Variants in KATNIP observed in about 807,000 individuals in gnomAD.
KATNIP encodes katanin interacting protein.
In KATNIP, 126 loss-of-function variants were observed where a neutral mutation model predicts 174.0. That is an observed-to-expected ratio of 0.72 (90% CI 0.63 to 0.84). KATNIP has a LOEUF of 0.84. KATNIP is among the 40% of genes least tolerant of loss of function. The probability of loss-of-function intolerance (pLI) is 0.00; values close to 1 mark genes in which losing one functional copy is unlikely to be tolerated. For missense variants in KATNIP, 1,958 were observed against 2,109.7 expected (o/e 0.93, Z 1.41); for synonymous variants, 810 against 835.7 (o/e 0.97, Z 0.53).
chr16:27,703,775 C>A, intron 11 of KATNIP, 121 bp from the exon 12 acceptor site: 1 of 760,790 alleles, frequency 1.3e-6, no homozygotes, highest in Non-Finnish European at 2.3e-6. Flanking sequence ...GAACTGGATA[C>A]AGAGTGCATA....
intron 1 of KATNIP, among the ~76,000 whole-genome samples, chr16:27,572,614 G>A (rs2090349617): frequency 2.0e-5 from 3 of 152,226 alleles, no homozygotes; most frequent in African/African-American, 7.2e-5. Context: ...CTGCAGTTGG[G>A]TCAGAGGTCC....
chr16:27,672,004 C>T (rs1232716600), intron 6 of KATNIP, among the ~76,000 whole-genome samples: 2 of 151,996 alleles, frequency 1.3e-5, no homozygotes, highest in African/African-American at 2.4e-5. Context: ...TGCAGTGAGC[C>T]GAGATCGTGT....
chr16:27,767,218 A>G (rs1370608210), intron 20 of KATNIP, among the ~76,000 whole-genome samples: 1 of 152,018 alleles, frequency 6.6e-6, no homozygotes, highest in African/African-American at 2.4e-5. Context: ...CTTGGACCCA[A>G]CCAGCTGCGT....
At chr16:27,644,487 TC>T (rs1292845615) in intron 5 of KATNIP, 1 of 152,132 alleles carries the variant, frequency 6.6e-6, no homozygotes, top group Non-Finnish European at 1.5e-5. Context: ...TAGTCACTTG[TC>T]CTTCTCTGAG....
intron 2 of KATNIP, among the ~76,000 whole-genome samples, chr16:27,597,407 T>C (rs1435911120): frequency 3.2e-5 from 4 of 123,664 alleles, no homozygotes; most frequent in African/African-American, 4.2e-5. Flanking sequence ...CTTTTCTTTT[T>C]TTTTTTTTTT....
At position 27,740,402 on chromosome 16, in the gene KATNIP, C is replaced by T. The variant is rs747200027; in HGVS notation, c.2105C>T (p.Ser702Leu). 42 of 1,613,970 alleles carry T rather than the reference C, an allele frequency of 2.6e-5. No homozygotes were observed. Among genetic ancestry groups the T allele is most frequent in the African/African-American group, 1.7e-4 (13 of 74,950 alleles). The change falls in exon 15 of 28, where the codon TCG (serine) becomes TTG (leucine). Residue 702 changes from serine to leucine, a missense_variant. Transcript: ENST00000261588. ...CAGTTAGAGGAATATTTGAGACTGT[C>T]GGCAGTCCCCACTTCGATGGGTGAC... ...LSQLEEYLRL[S>L]AVPTSMGDMP...
chr16:27,563,588 G>A (rs1567439155), intron 1 of KATNIP, among the ~76,000 whole-genome samples: 3 of 152,090 alleles, frequency 2.0e-5, no homozygotes, highest in Non-Finnish European at 2.9e-5. Context: ...AAAATATCCC[G>A]TGGGCCAGGC....
intron 2 of KATNIP, among the ~76,000 whole-genome samples, chr16:27,599,490 C>T (rs1446181231): frequency 6.6e-6 from 1 of 152,178 alleles, no homozygotes; most frequent in Non-Finnish European, 1.5e-5. Flanking sequence ...CCAGCCTTTG[C>T]TCCATGAATG....
At chr16:27,711,939 A>G (rs556747342) in intron 13 of KATNIP, among the ~76,000 whole-genome samples, 41 of 152,244 alleles carry the variant, frequency 2.7e-4, no homozygotes, top group African/African-American at 9.1e-4. Flanking sequence ...ATTCAAGTCT[A>G]TAGGCTCCCA....
chr16:27,736,950 G>T (rs757399877), intron 14 of KATNIP, among the ~76,000 whole-genome samples: 1 of 151,962 alleles, frequency 6.6e-6, no homozygotes, highest in Non-Finnish European at 1.5e-5. Context: ...GCCGAGGGAC[G>T]TGCCCACATA....
At chr16:27,731,682 G>A (rs933544064) in intron 14 of KATNIP, among the ~76,000 whole-genome samples, 3 of 151,272 alleles carry the variant, frequency 2.0e-5, no homozygotes, top group Non-Finnish European at 4.4e-5. Context: ...ACAGTGGAGT[G>A]ATCTCGGCCC....
chr16:27,640,547 C>G (rs529445065), intron 5 of KATNIP, among the ~76,000 whole-genome samples: 69 of 152,332 alleles, frequency 4.5e-4, no homozygotes, highest in Non-Finnish European at 8.8e-4. Context: ...ATTTATTCCC[C>G]TCTCCAGCAC....
At position 27,749,885 on chromosome 16, in the gene KATNIP, G is replaced by A. The variant is rs568981783; in HGVS notation, c.2925G>A (p.Gln975=). ...DFKIPVLPYG[Q]RLVIDIKSTW... ...AAATCCCCGTCTTGCCTTATGGACA[G>A]CGCTTGGTCATTGACATCAAGTCTA... Residue 975 remains glutamine (Q), a synonymous_variant, in exon 16 of 28, where the codon CAG becomes CAA. Transcript: ENST00000261588. 1 of 1,614,192 alleles carries A rather than the reference G, an allele frequency of 6.2e-7. No individual in the cohort carries two copies. The highest frequency in any genetic ancestry group is 1.3e-5 in the African/African-American group (1 of 75,060).
At chr16:27,623,371 C>T (rs2076247548) in intron 3 of KATNIP, among the ~76,000 whole-genome samples, 1 of 152,216 alleles carries the variant, frequency 6.6e-6, no homozygotes, top group Non-Finnish European at 1.5e-5. Flanking sequence ...AGACAAGGCC[C>T]TTGAAGGCCC....
At chr16:27,702,674 A>C (rs1004311254) in intron 11 of KATNIP, among the ~76,000 whole-genome samples, 2 of 152,194 alleles carry the variant, frequency 1.3e-5, no homozygotes, top group Non-Finnish European at 2.9e-5. Flanking sequence ...GTTTTTCTGC[A>C]TGAAGAAGGA....
At chr16:27,632,730 A>C in intron 5 of KATNIP, 2 of 416,218 alleles carry the variant, frequency 4.8e-6, no homozygotes, top group South Asian at 1.7e-5. Flanking sequence ...GGAGTCTTTG[A>C]AAAGGGCTGA....
intron 10 of KATNIP, among the ~76,000 whole-genome samples, chr16:27,699,978 T>G (rs2079043042): frequency 6.6e-6 from 1 of 152,136 alleles, no homozygotes; most frequent in African/African-American, 2.4e-5. Flanking sequence ...TGGTGCAATC[T>G]CGGCTCACTA....
Position 27,751,905 on chromosome 16 carries a change from GC to G in KATNIP, c.3534del (p.Leu1179TrpfsTer10). The G allele has an allele frequency of 6.2e-7, 1 of 1,610,874 alleles. No homozygotes were observed. The highest frequency in any genetic ancestry group is 8.5e-7 in the Non-Finnish European group (1 of 1,179,436). ...GATGAGCGGCCCTTCACCCAGGCTG[GC>G]TTGGGGGCTGATGAACGGGTAGGAC... ...EGDERPFTQA[G>X]LGADERIPEL... On this transcript the variant is annotated frameshift_variant, in exon 17 of 28. Transcript: ENST00000261588. LOFTEE classifies it high-confidence loss of function.
chr16:27,684,949 A>G (rs1392772915), intron 8 of KATNIP, among the ~76,000 whole-genome samples: 2 of 152,192 alleles, frequency 1.3e-5, no homozygotes, highest in African/African-American at 2.4e-5. Context: ...TTTTTAGGGG[A>G]CACAATTCAA....
Sources: allele counts gnomAD v4.1 joint callset (sites outside exome capture counted in the v4.1 genomes callset), GRCh38; gene constraint gnomAD v4.1.1; transcripts MANE v1.5; gene names NCBI Gene and HGNC (gene_info 2026-07-23, HGNC 2026-07-21).